Variants in MGAT5 observed in about 807,000 individuals in gnomAD.
The protein encoded by MGAT5 is alpha-1,6-mannosylglycoprotein 6-beta-N-acetylglucosaminyltransferase A.
MGAT5 carries 30 observed loss-of-function variants against 94.3 expected under a neutral mutation model. That is an observed-to-expected ratio of 0.32 (90% CI 0.24 to 0.43). The LOEUF is 0.43. Among genes scored for constraint, MGAT5 ranks in the 20% least tolerant of loss-of-function variants. MGAT5 has a pLI of 1.00. For synonymous variants in MGAT5, 310 were observed against 322.9 expected (o/e 0.96, Z 0.43); for missense variants, 691 against 905.5 (o/e 0.76, Z 3.04).
intron 1 of MGAT5, among the ~76,000 whole-genome samples, chr2:134,163,551 AAGGC>A (rs1687830964): frequency 6.6e-6 from 1 of 152,202 alleles, no homozygotes; most frequent in African/African-American, 2.4e-5. Context: ...GTTGAGAAAA[AAGGC>A]AGACATCTTA....
chr2:134,188,035 C>T (rs1394967193), intron 1 of MGAT5, among the ~76,000 whole-genome samples: 3 of 152,026 alleles, frequency 2.0e-5, no homozygotes, highest in East Asian at 1.9e-4. Flanking sequence ...CTTTTATTCA[C>T]ATCCAGTACC....
chr2:134,213,921 G>A (rs1393173450), intron 1 of MGAT5, among the ~76,000 whole-genome samples: 5 of 152,204 alleles, frequency 3.3e-5, no homozygotes, highest in African/African-American at 1.2e-4. Flanking sequence ...AGGGACGATC[G>A]ATTAAATCAA....
At chr2:134,191,251 G>A (rs1461224706) in intron 1 of MGAT5, among the ~76,000 whole-genome samples, 1 of 152,242 alleles carries the variant, frequency 6.6e-6, no homozygotes, top group Admixed American at 6.5e-5. Flanking sequence ...TGAGAGCATG[G>A]GGTATTGTCA....
chr2:134,187,468 T>C (rs930262932), intron 1 of MGAT5, among the ~76,000 whole-genome samples: 6 of 152,216 alleles, frequency 3.9e-5, no homozygotes, highest in African/African-American at 1.4e-4. Flanking sequence ...TTCCCTATGA[T>C]TTATTTCACT....
chr2:134,223,306 C>T (rs954567727), intron 1 of MGAT5, among the ~76,000 whole-genome samples: 1 of 152,066 alleles, frequency 6.6e-6, no homozygotes, highest in African/African-American at 2.4e-5. Context: ...TGCATTTGTC[C>T]CTGGGCGTAG....
chr2:134,389,651 G>A (rs148591604), intron 10 of MGAT5, among the ~76,000 whole-genome samples: 194 of 152,266 alleles, frequency 1.3e-3, no homozygotes, highest in African/African-American at 4.3e-3. Context: ...GGTGTGTGAA[G>A]GTGACCTGAA....
intron 8 of MGAT5, 101 bp downstream of exon 8, chr2:134,345,165 A>T: frequency 1.6e-6 from 2 of 1,254,646 alleles, no homozygotes; most frequent in East Asian, 4.8e-5. Flanking sequence ...GTATCTTTTC[A>T]GCTGTATGGA....
At chr2:134,390,889 T>C (rs1329181474) in intron 10 of MGAT5, among the ~76,000 whole-genome samples, 3 of 152,258 alleles carry the variant, frequency 2.0e-5, no homozygotes, top group African/African-American at 7.2e-5. Context: ...TTTCTTTTAC[T>C]GGATAAACGT....
At chr2:134,193,479 G>T (rs1679333274) in intron 1 of MGAT5, among the ~76,000 whole-genome samples, 1 of 152,062 alleles carries the variant, frequency 6.6e-6, no homozygotes, top group Admixed American at 6.6e-5. Context: ...CTGTTTATAG[G>T]GGTCCCCACC....
chr2:134,209,002 A>G (rs1680159704), intron 1 of MGAT5, among the ~76,000 whole-genome samples: 1 of 152,146 alleles, frequency 6.6e-6, no homozygotes, highest in South Asian at 2.1e-4. Context: ...ATCAGCATGA[A>G]GGAGGCCTTG....
intron 2 of MGAT5, among the ~76,000 whole-genome samples, chr2:134,274,341 GC>G (rs1479755013): frequency 6.6e-6 from 1 of 152,206 alleles, no homozygotes; most frequent in Non-Finnish European, 1.5e-5. Flanking sequence ...GTGGTGATTT[GC>G]CTAGAAGTCG....
rs1258356225 is a variant in MGAT5 at position 134,270,458 on chromosome 2, A to G, written c.314A>G (p.Asp105Gly). 3 of 1,614,214 alleles carry G rather than the reference A, an allele frequency of 1.9e-6. No homozygotes were observed. Among genetic ancestry groups the G allele is most frequent in the South Asian group, 2.2e-5 (2 of 91,090 alleles). The change falls in exon 2 of 16, where the codon GAC (aspartate) becomes GGC (glycine). Residue 105 changes from aspartate (D) to glycine (G), a missense_variant. Asp to Gly is a moderately conservative substitution (Grantham distance 94). This residue lies in a region of MGAT5 where 307 missense variants were observed against 335.4 expected (regional missense o/e 0.92). Coordinates refer to ENST00000281923, the MANE Select transcript of MGAT5 (RefSeq NM_002410.5). ...ATTGGCAAGTTGGAGTCGAAGGTGG[A>G]CAATCTTGTTGTCAATGGCACCGGA... ...QRIGKLESKVDNLVVNGTGTN... is the reference protein window; with the variant it reads ...QRIGKLESKVGNLVVNGTGTN...
intron 2 of MGAT5, among the ~76,000 whole-genome samples, chr2:134,301,961 CA>C (rs1276141262): frequency 6.6e-6 from 1 of 151,976 alleles, no homozygotes; most frequent in Non-Finnish European, 1.5e-5. Flanking sequence ...TCCTAGATAC[CA>C]AAAAAATTCT....
chr2:134,369,890 A>G (rs1489534550), intron 10 of MGAT5, among the ~76,000 whole-genome samples: 2 of 152,124 alleles, frequency 1.3e-5, no homozygotes, highest in Non-Finnish European at 2.9e-5. Flanking sequence ...AGGGTCTGCT[A>G]TTATAGGAGG....
rs1391021334 is a variant in MGAT5, at chr2:134,345,050, C to T, written c.1098C>T (p.Ser366=). Residue 366 remains serine (S), a synonymous_variant, in exon 8 of 16, where the codon TCC becomes TCT. Coordinates refer to ENST00000281923, the MANE Select transcript of MGAT5 (RefSeq NM_002410.5). Reference sequence around the variant, plus strand: ...AATTCAAGAAAACTCTTGGACCATCCTGGGTTCATTACCAGTAAGTGCTAC... The same window carrying T: ...AATTCAAGAAAACTCTTGGACCATCTTGGGTTCATTACCAGTAAGTGCTAC... ...LAQFKKTLGP[S]WVHYQCMLRV... 7 of 1,613,164 alleles carry T rather than the reference C, an allele frequency of 4.3e-6. No homozygotes were observed. In the Middle Eastern group the frequency reaches 5.0e-4, roughly 114 times the overall value.
At chr2:134,387,676 C>T (rs558296350) in intron 10 of MGAT5, among the ~76,000 whole-genome samples, 18 of 152,068 alleles carry the variant, frequency 1.2e-4, no homozygotes, top group African/African-American at 4.3e-4. Flanking sequence ...TGCATGCTAC[C>T]TCATGTTGGA....
intron 1 of MGAT5, among the ~76,000 whole-genome samples, chr2:134,140,921 T>C (rs1474829004): frequency 6.6e-6 from 1 of 152,164 alleles, no homozygotes; most frequent in East Asian, 1.9e-4. Context: ...GAACCCACAC[T>C]GTGTGGCTGC....
rs529316314 is a variant in MGAT5 at position 134,441,776 on chromosome 2, G to C, written c.1888G>C (p.Val630Leu). The change falls in exon 15 of 16, where the codon GTG (valine) becomes CTG (leucine). Residue 630 changes from valine (V) to leucine (L), a missense_variant. Coordinates refer to ENST00000281923, the MANE Select transcript of MGAT5 (RefSeq NM_002410.5). ...GTTCTAGGACTTCTGCCATGGGCAAGTGATGTGGCCACCCCTCAGCGCCCT... is the reference window on the plus strand; with the variant it reads ...GTTCTAGGACTTCTGCCATGGGCAACTGATGTGGCCACCCCTCAGCGCCCT... ...IEKQDFCHGQ[V>L]MWPPLSALQV... 50 of 1,612,884 alleles carry C rather than the reference G, an allele frequency of 3.1e-5. No individual in the cohort carries two copies. The highest frequency in any genetic ancestry group is 4.2e-5 in the Non-Finnish European group (49 of 1,179,104).
chr2:134,145,965 T>C (rs892819063), intron 1 of MGAT5, among the ~76,000 whole-genome samples: 2 of 152,226 alleles, frequency 1.3e-5, no homozygotes, highest in African/African-American at 4.8e-5. Flanking sequence ...GACTTACTGT[T>C]AGACTGTTTT....
Sources: gnomAD v4.1 joint callset for allele counts (sites outside exome capture counted in the v4.1 genomes callset) on GRCh38, gnomAD v4.1.1 for gene constraint, gnomAD v4.1.1 regional missense constraint, MANE v1.5 for transcripts, NCBI Gene and HGNC (gene_info 2026-07-23, HGNC 2026-07-21) for gene names.